The following PHLDB1 variants were observed in gnomAD, a reference collection of about 807,000 sequenced individuals.
PHLDB1 encodes the protein pleckstrin homology like domain family B member 1.
Under a neutral mutation model 139.3 loss-of-function variants are expected in PHLDB1, and 65 were observed. The observed-to-expected ratio is 0.47, with a 90% confidence interval of 0.38 to 0.57. PHLDB1 has a LOEUF of 0.57. PHLDB1 is among the 20% of genes least tolerant of loss of function. The pLI, the probability that PHLDB1 is intolerant of heterozygous loss-of-function variation, is 0.00. For missense variants in PHLDB1, 1,624 were observed against 1,839.7 expected (o/e 0.88, Z 2.14); for synonymous variants, 679 against 734.5 (o/e 0.92, Z 1.22).
At chr11:118,648,135 G>T in intron 18 of PHLDB1, 59 bp downstream of exon 18, 1 of 1,526,772 alleles carries the variant, frequency 6.5e-7, no homozygotes, top group African/African-American at 1.4e-5. Flanking sequence ...GTAGAGAAGT[G>T]GGGAGATCCC....
chr11:118,643,736 G>T, intron 13 of PHLDB1, 64 bp from the exon 14 acceptor site: 1 of 1,612,822 alleles, frequency 6.2e-7, no homozygotes, highest in Non-Finnish European at 8.5e-7. Context: ...AGCAGACTAG[G>T]TGACATGGGG....
chr11:118,625,521 T>G (rs1943704234), intron 5 of PHLDB1, among the ~76,000 whole-genome samples: 1 of 152,218 alleles, frequency 6.6e-6, no homozygotes, highest in African/African-American at 2.4e-5. Flanking sequence ...CTGTATTTTG[T>G]GTGTGAATTA....
At chr11:118,644,328 A>G (rs1947091481) in intron 15 of PHLDB1, 154 bp downstream of exon 15, 1 of 622,454 alleles carries the variant, frequency 1.6e-6, no homozygotes, top group Admixed American at 2.8e-5. Flanking sequence ...CCTAAAGAAG[A>G]GCTTCCTGGA....
chr11:118,632,005 G>C lies in PHLDB1; in HGVS notation c.2193G>C (p.Lys731Asn), dbSNP rs782808147. 6.2e-7 allele frequency: 1 copy of C among 1,614,144 alleles called. No homozygotes were observed. Among genetic ancestry groups the C allele is most frequent in the Non-Finnish European group, 8.5e-7 (1 of 1,179,986 alleles). ...AQVLGHVEQL[K>N]VRVKELEQQL... ...TGCTGGGGCACGTGGAGCAGCTCAA[G>C]GTCCGTGTGAAGGAGCTAGAGCAGC... is the stretch of plus-strand genomic sequence containing the variant. The change falls in exon 8 of 23, where the codon AAG becomes AAC. Residue 731 changes from lysine (K) to asparagine (N), a missense_variant. Lys to Asn is a moderately conservative substitution (Grantham distance 94). Transcript: ENST00000600882. This position sits in a 1 kb window ranked among gnomAD's most constrained non-coding sequence, Gnocchi z 5.9.
intron 12 of PHLDB1, 193 bp from the exon 13 acceptor site, chr11:118,642,057 CCCTT>C: frequency 1.7e-6 from 1 of 598,164 alleles, no homozygotes; most frequent in Non-Finnish European, 3.0e-6. Context: ...TCTCCTTTCT[CCCTT>C]CCTTCCTCCC....
At chr11:118,653,769 T>C (rs1233828548) in intron 20 of PHLDB1, 1 of 152,168 alleles carries the variant, frequency 6.6e-6, no homozygotes, top group Non-Finnish European at 1.5e-5. Flanking sequence ...AGGTAGACCA[T>C]GGAATGGATA....
At position 118,655,509 on chromosome 11, in the gene PHLDB1, T is replaced by A. The variant is rs544251444; in HGVS notation, c.3875-96T>A. 2.5e-4 allele frequency: 187 copies of A among 759,738 alleles called. No homozygotes were observed. In the African/African-American group the frequency reaches 2.8e-3, roughly 12 times the overall value. 47.1% of individuals were successfully genotyped at this position (759,738 alleles called of 1,614,324 possible). Reference sequence around the variant, plus strand: ...GGGAGACTAGGATCTTCACCCCATTTCCCAGATTTGGAAGCTCAGGCCATG... The same window carrying A: ...GGGAGACTAGGATCTTCACCCCATTACCCAGATTTGGAAGCTCAGGCCATG... On this transcript the variant is annotated intron_variant, in intron 20 of 22. Coordinates refer to ENST00000600882, the MANE Select transcript of PHLDB1 (RefSeq NM_001144758.3).
At chr11:118,637,695 C>T (rs1409361527) in intron 10 of PHLDB1, 1 of 152,214 alleles carries the variant, frequency 6.6e-6, no homozygotes, top group Non-Finnish European at 1.5e-5. Flanking sequence ...GGACATCTCC[C>T]TTCTTTAACT....
chr11:118,620,182 G>A lies in PHLDB1; in HGVS notation c.355+3971G>A, dbSNP rs1204010443. Among the ~76,000 whole-genome samples, 1 of 152,224 alleles carries A rather than the reference G, an allele frequency of 6.6e-6. No homozygotes were observed. The highest frequency in any genetic ancestry group is 6.5e-5 in the Admixed American group (1 of 15,286). Reference sequence around the variant, plus strand: ...CAAGAGGAACTCTCTGGGGGACCTGGCTGGATGGTAGGTATTAATACCTGA... The same window carrying A: ...CAAGAGGAACTCTCTGGGGGACCTGACTGGATGGTAGGTATTAATACCTGA... On this transcript the variant is annotated intron_variant, in intron 4 of 22. Coordinates refer to ENST00000600882, the MANE Select transcript of PHLDB1 (RefSeq NM_001144758.3). The surrounding 1 kb of genome is among the most constrained non-coding windows in gnomAD (Gnocchi z 4.1).
At position 118,611,491 on chromosome 11, in the gene PHLDB1, C is replaced by G. The variant is rs1226591419; in HGVS notation, c.-21-2325C>G. ...CCCCACACGGCGATAGTGACCAATACTCCAATATGACAGATAAATAAACTA... is the reference window on the plus strand; with the variant it reads ...CCCCACACGGCGATAGTGACCAATAGTCCAATATGACAGATAAATAAACTA... On this transcript the variant is annotated intron_variant, in intron 1 of 22. Coordinates refer to ENST00000600882, the MANE Select transcript of PHLDB1 (RefSeq NM_001144758.3). The surrounding 1 kb of genome is among the most constrained non-coding windows in gnomAD (Gnocchi z 4.7). 1.3e-5 allele frequency among the ~76,000 whole-genome samples: 2 copies of G among 152,190 alleles called. No individual in the cohort carries two copies. The highest frequency in any genetic ancestry group is 4.8e-5 in the African/African-American group (2 of 41,436).
intron 12 of PHLDB1, chr11:118,641,746 CCCT>C (rs1555120896): frequency 1.2e-5 from 16 of 1,289,792 alleles, no homozygotes; most frequent in South Asian, 8.6e-5. Context: ...TCCCATGCTG[CCCT>C]CCTCCTCGTT....
In PHLDB1 at chr11:118,650,440, A is replaced by G; in HGVS notation, c.3772-5A>G. 6.2e-7 allele frequency: 1 copy of G among 1,606,138 alleles called. No homozygotes were observed. On this transcript the variant is annotated splice_polypyrimidine_tract_variant and splice_region_variant and intron_variant, in intron 19 of 22. Transcript: ENST00000600882. The surrounding 1 kb of genome is among the most constrained non-coding windows in gnomAD (Gnocchi z 4.7). ...GGGTCCTTCCTTACTCCTGCTTCCT[A>G]CCAGGTCTGCCGTGGCTACTTGGTC...
In PHLDB1 at chr11:118,639,178, C is replaced by T; in HGVS notation, c.2663C>T (p.Thr888Ile). 6.2e-7 allele frequency: 1 copy of T among 1,614,094 alleles called. No homozygotes were observed. The highest frequency in any genetic ancestry group is 8.5e-7 in the Non-Finnish European group (1 of 1,179,936). Residue 888 changes from threonine to isoleucine, a missense_variant, in exon 12 of 23, where the codon ACT (threonine) becomes ATT (isoleucine). Coordinates refer to ENST00000600882, the MANE Select transcript of PHLDB1 (RefSeq NM_001144758.3). Reference protein sequence around the residue: ...QLLQKEKEKLTVLERRYHSLT... With the variant: ...QLLQKEKEKLIVLERRYHSLT... ...GGCTCGCAGGAGAAGGAGAAGCTGA[C>T]TGTGCTGGAAAGGAGATACCACTCA...
intron 4 of PHLDB1, chr11:118,624,096 C>T (rs1280833216): frequency 1.3e-5 from 2 of 152,182 alleles, no homozygotes; most frequent in Non-Finnish European, 2.9e-5. Flanking sequence ...GACGGAGTTT[C>T]ACCATGTTGG....
chr11:118,614,743 G>T, intron 3 of PHLDB1, 61 bp downstream of exon 3: 1 of 1,560,078 alleles, frequency 6.4e-7, no homozygotes, highest in African/African-American at 1.4e-5. Context: ...TTCCTGCCCT[G>T]GAGGCCCACC....
At position 118,650,617 on chromosome 11, in the gene PHLDB1, C is replaced by CT; in HGVS notation, c.3874+72dup. The stretch of plus-strand genomic sequence containing the variant: ...GGCTCTGTTACCCAGGACGGCTGGT[C>CT]TTCTAGAAGGAGGCCAAGCTTCCAA... On this transcript the variant is annotated intron_variant, in intron 20 of 22. Coordinates refer to ENST00000600882, the MANE Select transcript of PHLDB1 (RefSeq NM_001144758.3). The surrounding 1 kb of genome is among the most constrained non-coding windows in gnomAD (Gnocchi z 4.7). 1 of 1,101,228 alleles carries CT rather than the reference C, an allele frequency of 9.1e-7. No homozygotes were observed. The highest frequency in any genetic ancestry group is 1.4e-6 in the Non-Finnish European group (1 of 716,930). 68.2% of individuals were successfully genotyped at this position (1,101,228 alleles called of 1,614,324 possible). A position where few individuals can be genotyped will look rare whatever the true frequency, so the allele number is the denominator to read the frequency against.
At chr11:118,648,269 T>TTGTGTGTGTGTGTGTGTGTG (rs71041842) in intron 18 of PHLDB1, among the ~76,000 whole-genome samples, 193 bp downstream of exon 18, 1 of 125,492 alleles carries the variant, frequency 8.0e-6, no homozygotes, top group Admixed American at 7.8e-5. Context: ...ACTATTCAAG[T>TTGTGTGTGTGTGTGTGTGTG]TGTGTGTGTG....
Position 118,650,366 on chromosome 11 carries a change from T to C in PHLDB1, c.3772-79T>C. The stretch of plus-strand genomic sequence containing the variant: ...GATGTTGGGGACAATCCCCCATGAA[T>C]ACAGGCACAGGCGATGGCACACACT... On this transcript the variant is annotated intron_variant, in intron 19 of 22. Transcript: ENST00000600882. This position sits in a 1 kb window ranked among gnomAD's most constrained non-coding sequence, Gnocchi z 4.7. 1 of 1,078,740 alleles carries C rather than the reference T, an allele frequency of 9.3e-7. No individual in the cohort carries two copies. The highest frequency in any genetic ancestry group is 1.4e-6 in the Non-Finnish European group (1 of 691,654). The allele number at this position is 1,078,740 out of a possible 1,614,324, so 66.8% of individuals were successfully genotyped here.
In PHLDB1 at chr11:118,608,340, C is replaced by T. The variant is rs1671456773; in HGVS notation, c.-22+641C>T. ...CGGGGAGGCCGCCTGGGGCGCCTTG[C>T]CACGCCCGCGCGGTCCCTATTGGAA... On this transcript the variant is annotated intron_variant, in intron 1 of 22. Coordinates refer to ENST00000600882, the MANE Select transcript of PHLDB1 (RefSeq NM_001144758.3). This position sits in a 1 kb window ranked among gnomAD's most constrained non-coding sequence, Gnocchi z 6.7. Among the ~76,000 whole-genome samples the T allele has an allele frequency of 6.6e-6, 1 of 152,136 alleles. No individual in the cohort carries two copies. Among genetic ancestry groups the T allele is most frequent in the Non-Finnish European group, 1.5e-5 (1 of 68,006 alleles).
Sources: allele counts gnomAD v4.1 joint callset (sites outside exome capture counted in the v4.1 genomes callset), GRCh38; gene constraint gnomAD v4.1.1; non-coding constraint Gnocchi (gnomAD v3.1); transcripts MANE v1.5; gene names NCBI Gene and HGNC (gene_info 2026-07-23, HGNC 2026-07-21).